Variants in NEDD4L observed in about 807,000 individuals in gnomAD.
NEDD4L encodes the protein E3 ubiquitin-protein ligase NEDD4-like.
In NEDD4L, 54 loss-of-function variants were observed where a neutral mutation model predicts 148.9. That is an observed-to-expected ratio of 0.36 (90% CI 0.29 to 0.45). The LOEUF (loss-of-function observed/expected upper bound fraction) is 0.45. Ranked by LOEUF, NEDD4L falls within the 20% of genes least tolerant of loss-of-function variation. The pLI is 1.00. For synonymous variants in NEDD4L, 433 were observed against 440.7 expected, an observed-to-expected ratio of 0.98 and a Z score of 0.22; for missense variants, 856 against 1,233.8, an observed-to-expected ratio of 0.69 and a Z score of 4.59.
chr18:58,331,679 T>C (rs1040762913), intron 11 of NEDD4L, among the ~76,000 whole-genome samples: 1 of 152,202 alleles, frequency 6.6e-6, no homozygotes, highest in Non-Finnish European at 1.5e-5. Flanking sequence ...TCTCAGTGTT[T>C]CTCAAGAAAC....
intron 4 of NEDD4L, among the ~76,000 whole-genome samples, chr18:58,250,298 T>C (rs1163180274): frequency 2.0e-5 from 3 of 152,216 alleles, no homozygotes; most frequent in African/African-American, 4.8e-5. Flanking sequence ...TATAGGCCCG[T>C]ACCACCACGC....
intron 5 of NEDD4L, among the ~76,000 whole-genome samples, chr18:58,276,994 A>G (rs745390487): frequency 3.1e-4 from 47 of 152,080 alleles, no homozygotes; most frequent in Non-Finnish European, 6.2e-4. Context: ...CTTGGGGAGT[A>G]TTTATTTTTT....
intron 1 of NEDD4L, among the ~76,000 whole-genome samples, chr18:58,130,763 C>T (rs1250516321): frequency 7.3e-6 from 1 of 136,350 alleles, no homozygotes; most frequent in Non-Finnish European, 1.6e-5. Context: ...TGTGATCTAG[C>T]GGAACTGTGG....
At chr18:58,331,023 G>C (rs1049708262) in intron 11 of NEDD4L, 109 bp downstream of exon 11, 10 of 1,096,426 alleles carry the variant, frequency 9.1e-6, no homozygotes, top group Middle Eastern at 2.1e-4. Flanking sequence ...CCAGCTCCCA[G>C]CTAACTCTGA....
At chr18:58,066,413 C>T (rs1330768424) in intron 1 of NEDD4L, among the ~76,000 whole-genome samples, 7 of 38,510 alleles carry the variant, frequency 1.8e-4, no homozygotes, top group Non-Finnish European at 2.2e-4. Flanking sequence ...TTTTTTTTAA[C>T]GGAGTCTCTC....
At chr18:58,343,281 G>C (rs2042651246) in intron 16 of NEDD4L, among the ~76,000 whole-genome samples, 178 bp downstream of exon 16, 1 of 151,856 alleles carries the variant, frequency 6.6e-6, no homozygotes, top group South Asian at 2.1e-4. Flanking sequence ...GGAGTGGGTG[G>C]GCACAGGCTG....
intron 1 of NEDD4L, 182 bp from the exon 2 acceptor site, chr18:58,165,606 C>T: frequency 6.8e-7 from 1 of 1,470,258 alleles, no homozygotes; most frequent in Non-Finnish European, 9.0e-7. Context: ...GAGTCACAGA[C>T]TTTTAGAGCT....
At chr18:58,363,333 A>G (rs1217255396) in intron 19 of NEDD4L, among the ~76,000 whole-genome samples, 1 of 152,230 alleles carries the variant, frequency 6.6e-6, no homozygotes, top group African/African-American at 2.4e-5. Context: ...TTAGGCCGAA[A>G]TGATAACAGC....
In NEDD4L at chr18:58,401,167, T is replaced by C. The variant is rs1327775605; in HGVS notation, c.*4898T>C. The C allele has an allele frequency of 6.6e-6, 1 of 151,484 alleles. No homozygotes were observed. The highest frequency in any genetic ancestry group is 1.5e-5 in the Non-Finnish European group (1 of 67,876). The allele number at this position is 151,484 out of a possible 1,614,324, so 9.4% of individuals were successfully genotyped here. A position where few individuals can be genotyped will look rare whatever the true frequency, so the allele number is the denominator to read the frequency against. ...ACAGTGACTTTTAAGGTGAAAAGAG[T>C]TTCAAGCATTCCAAATAAATTATCA... On this transcript the variant is annotated 3_prime_UTR_variant, in exon 31 of 31. Transcript: ENST00000400345.
At chr18:58,106,954 T>C (rs556239062) in intron 1 of NEDD4L, among the ~76,000 whole-genome samples, 1 of 152,260 alleles carries the variant, frequency 6.6e-6, no homozygotes, top group Non-Finnish European at 1.5e-5. Context: ...GCAGATGGGG[T>C]GGCCAAAACC....
At chr18:58,056,623 C>T (rs963137001) in intron 1 of NEDD4L, among the ~76,000 whole-genome samples, 1 of 151,984 alleles carries the variant, frequency 6.6e-6, no homozygotes, top group African/African-American at 2.4e-5. Context: ...CTCTGTAGCC[C>T]AAGCAAGAGT....
At chr18:58,345,115 T>C (rs2042885514) in intron 16 of NEDD4L, among the ~76,000 whole-genome samples, 1 of 152,260 alleles carries the variant, frequency 6.6e-6, no homozygotes, top group Non-Finnish European at 1.5e-5. Flanking sequence ...TATTGACTAA[T>C]TTACTGATTT....
chr18:58,180,512 G>A (rs1277628920), intron 2 of NEDD4L, among the ~76,000 whole-genome samples: 4 of 152,124 alleles, frequency 2.6e-5, no homozygotes, highest in Non-Finnish European at 5.9e-5. Flanking sequence ...TCTGTGCTTG[G>A]CCGACTCCAG....
chr18:58,238,574 A>G (rs1253183305), intron 2 of NEDD4L, among the ~76,000 whole-genome samples: 1 of 152,208 alleles, frequency 6.6e-6, no homozygotes. Flanking sequence ...TGATTGTACC[A>G]TAATTTATTT....
rs1316345495 is a variant in NEDD4L, at chr18:58,160,953, G to A, written c.49-4835G>A. ...ATAAGAGAACCCCTTCACGTCTTCC[G>A]TATTTGCAGCTCTGTACCTTTGTGA... On this transcript the variant is annotated intron_variant, in intron 1 of 30. Transcript: ENST00000400345. Among the ~76,000 whole-genome samples, 5 of 152,096 alleles carry A rather than the reference G, an allele frequency of 3.3e-5. No individual in the cohort carries two copies. In the East Asian group the frequency reaches 7.7e-4, roughly 23 times the overall value.
intron 5 of NEDD4L, among the ~76,000 whole-genome samples, chr18:58,274,435 G>A (rs562550051): frequency 2.0e-5 from 3 of 152,314 alleles, no homozygotes; most frequent in Admixed American, 1.3e-4. Flanking sequence ...TTGTTTTCCC[G>A]GAAGCTGGAG....
intron 1 of NEDD4L, among the ~76,000 whole-genome samples, chr18:58,058,521 T>A (rs2082188288): frequency 6.6e-6 from 1 of 152,218 alleles, no homozygotes; most frequent in African/African-American, 2.4e-5. Context: ...TTCTCTTTGA[T>A]ACAAAATCTT....
At chr18:58,209,966 A>G (rs1299687760) in intron 2 of NEDD4L, among the ~76,000 whole-genome samples, 7 of 152,158 alleles carry the variant, frequency 4.6e-5, no homozygotes, top group Non-Finnish European at 8.8e-5. Flanking sequence ...CGGGAGTTTG[A>G]GACTAGCCTG....
Position 58,092,873 on chromosome 18 carries a change from T to G in NEDD4L, c.48+48165T>G, listed in dbSNP as rs376099031. Among the ~76,000 whole-genome samples the G allele has an allele frequency of 1.0e-3, 156 of 151,234 alleles. 1 individual carries two copies. The highest frequency in any genetic ancestry group is 3.6e-3 in the African/African-American group (148 of 41,170). The stretch of plus-strand genomic sequence containing the variant: ...TCTCTCTCTTTTTTTTTTGTTTTTT[T>G]TTTTGGAGATGGAGTCTCGCTCTGT... On this transcript the variant is annotated intron_variant, in intron 1 of 30. Coordinates refer to ENST00000400345, the MANE Select transcript of NEDD4L (RefSeq NM_001144967.3).
Sources: gnomAD v4.1 joint callset for allele counts (sites outside exome capture counted in the v4.1 genomes callset) on GRCh38, gnomAD v4.1.1 for gene constraint, MANE v1.5 for transcripts, NCBI Gene and HGNC (gene_info 2026-07-23, HGNC 2026-07-21) for gene names.